The following RAB31 variants were observed in gnomAD, a reference collection of about 807,000 sequenced individuals.
RAB31 encodes ras-related protein Rab-31.
In RAB31, 21 loss-of-function variants were observed where a neutral mutation model predicts 25.6. The ratio of observed to expected loss-of-function variants is 0.82; its 90% confidence interval spans 0.58 to 1.18. The LOEUF (loss-of-function observed/expected upper bound fraction) is 1.18. Among genes scored for constraint, RAB31 ranks in the 50% most tolerant of loss-of-function variants. RAB31 has a pLI of 0.00. For synonymous variants in RAB31, 87 were observed against 84.0 expected (o/e 1.04, Z -0.20); for missense variants, 196 against 250.1 (o/e 0.78, Z 1.46).
chr18:9,789,168 G>C (rs1007000248), intron 2 of RAB31, among the ~76,000 whole-genome samples: 1 of 151,970 alleles, frequency 6.6e-6, no homozygotes, highest in African/African-American at 2.4e-5. Context: ...TCATATGCAA[G>C]AGCTGAAAAA....
Position 9,859,579 on chromosome 18 carries a change from G to T in RAB31, c.*254G>T. The stretch of plus-strand genomic sequence containing the variant: ...AAATGCACATGGAGGGGATGTAGTT[G>T]CATTTTTGCTAAAAAAAAAAAAAAA... On this transcript the variant is annotated 3_prime_UTR_variant, in exon 7 of 7. Transcript: ENST00000578921. 3.4e-6 allele frequency: 1 copy of T among 298,430 alleles called. No individual in the cohort carries two copies. The highest frequency in any genetic ancestry group is 5.9e-6 in the Non-Finnish European group (1 of 170,202). The allele number at this position is 298,430 out of a possible 1,614,324, so 18.5% of individuals were successfully genotyped here.
chr18:9,831,158 A>G (rs2068676385), intron 5 of RAB31, among the ~76,000 whole-genome samples: 1 of 152,240 alleles, frequency 6.6e-6, no homozygotes, highest in African/African-American at 2.4e-5. Context: ...GGGCCCCAGA[A>G]AAGATTTCAT....
chr18:9,708,458 G>T lies in RAB31; in HGVS notation c.39+14G>T, dbSNP rs779637949. 1.9e-6 allele frequency: 3 copies of T among 1,553,156 alleles called. No individual in the cohort carries two copies. The East Asian group carries it at 7.8e-5, about 40-fold the overall frequency. On this transcript the variant is annotated intron_variant, in intron 1 of 6. Transcript: ENST00000578921. This position sits in a 1 kb window ranked among gnomAD's most constrained non-coding sequence, Gnocchi z 6.4. ...TGCCTTCTCGGGGTGAGTCCTGGCC[G>T]CCACCCGCCGGCGGACCCCGGCCCG...
chr18:9,838,901 C>A (rs902102909), intron 5 of RAB31, among the ~76,000 whole-genome samples: 5 of 152,210 alleles, frequency 3.3e-5, no homozygotes, highest in Non-Finnish European at 7.3e-5. Context: ...ACTCTCAGCA[C>A]TCACCACACT....
At chr18:9,776,397 G>T (rs2145491421) in intron 2 of RAB31, among the ~76,000 whole-genome samples, 2 of 152,300 alleles carry the variant, frequency 1.3e-5, no homozygotes, top group East Asian at 3.9e-4. Context: ...GAGTGTATCA[G>T]AAGTGGAGAA....
At chr18:9,799,403 T>G (rs1027366325) in intron 3 of RAB31, among the ~76,000 whole-genome samples, 2 of 152,276 alleles carry the variant, frequency 1.3e-5, no homozygotes, top group Admixed American at 1.3e-4. Context: ...GGTACAAATT[T>G]GTACTCTTGG....
In RAB31 at chr18:9,860,508, G is replaced by C. The variant is rs2068841532; in HGVS notation, c.*1183G>C. On this transcript the variant is annotated 3_prime_UTR_variant, in exon 7 of 7. Transcript: ENST00000578921. The stretch of plus-strand genomic sequence containing the variant: ...CCTGTCTGCTCAATTAAAGATGTTT[G>C]AATCCAAAGGAAGTCAAGGAAGAAA... 6.6e-6 allele frequency: 1 copy of C among 152,150 alleles called. No individual in the cohort carries two copies. The highest frequency in any genetic ancestry group is 2.1e-4 in the South Asian group (1 of 4,822). 9.4% of individuals were successfully genotyped at this position (152,150 alleles called of 1,614,324 possible).
intron 1 of RAB31, among the ~76,000 whole-genome samples, chr18:9,709,389 C>T (rs2068004626): frequency 6.6e-6 from 1 of 152,074 alleles, no homozygotes; most frequent in South Asian, 2.1e-4. Flanking sequence ...ATCTGGTGTA[C>T]CCGCCCGTGT....
chr18:9,727,156 G>A (rs1361824666), intron 1 of RAB31, among the ~76,000 whole-genome samples: 1 of 152,172 alleles, frequency 6.6e-6, no homozygotes, highest in Non-Finnish European at 1.5e-5. Context: ...GTAGGCTGTG[G>A]CCCTTTGGCT....
At position 9,766,330 on chromosome 18, in the gene RAB31, G is replaced by A. The variant is rs575116047; in HGVS notation, c.40-8948G>A. On this transcript the variant is annotated intron_variant, in intron 1 of 6. Transcript: ENST00000578921. The surrounding 1 kb of genome is among the most constrained non-coding windows in gnomAD (Gnocchi z 4.3). ...GCATCTGCGAGCTCCATCTGCCCCC[G>A]GAGTGGGTGAGCCAGGCAAGCGTGG... Among the ~76,000 whole-genome samples the A allele has an allele frequency of 4.7e-4, 72 of 152,318 alleles. No individual in the cohort carries two copies. Among genetic ancestry groups the A allele is most frequent in the African/African-American group, 1.7e-3 (72 of 41,574 alleles).
chr18:9,807,667 T>C (rs1387418790), intron 3 of RAB31, among the ~76,000 whole-genome samples: 5 of 152,164 alleles, frequency 3.3e-5, no homozygotes, highest in Non-Finnish European at 7.4e-5. Context: ...GTTCATTACA[T>C]TGTCTTTTAA....
chr18:9,835,918 G>T (rs1444740085), intron 5 of RAB31, among the ~76,000 whole-genome samples: 2 of 152,070 alleles, frequency 1.3e-5, no homozygotes, highest in African/African-American at 2.4e-5. Context: ...AACAAACTCT[G>T]ATTATTCATT....
intron 3 of RAB31, among the ~76,000 whole-genome samples, chr18:9,810,955 T>C (rs1033775378): frequency 1.3e-5 from 2 of 152,194 alleles, no homozygotes; most frequent in Admixed American, 6.5e-5. Context: ...AAAAAATTAT[T>C]GCTTTTTCCT....
At chr18:9,741,746 G>C (rs964998971) in intron 1 of RAB31, among the ~76,000 whole-genome samples, 2 of 152,226 alleles carry the variant, frequency 1.3e-5, no homozygotes, top group Non-Finnish European at 2.9e-5. Flanking sequence ...AGCCCCCTCA[G>C]GGGCCGTTGA....
chr18:9,718,741 T>G (rs779858257), intron 1 of RAB31, among the ~76,000 whole-genome samples: 10 of 152,124 alleles, frequency 6.6e-5, no homozygotes, highest in Non-Finnish European at 1.2e-4. Flanking sequence ...ACGGGCAGGT[T>G]CTGGTGAGGG....
At chr18:9,762,186 T>C (rs2068292588) in intron 1 of RAB31, among the ~76,000 whole-genome samples, 1 of 152,202 alleles carries the variant, frequency 6.6e-6, no homozygotes, top group African/African-American at 2.4e-5. Flanking sequence ...GAGCAAGTCA[T>C]TGGGTCCAGT....
chr18:9,737,349 T>C (rs1464480195), intron 1 of RAB31, among the ~76,000 whole-genome samples: 1 of 152,174 alleles, frequency 6.6e-6, no homozygotes, highest in Non-Finnish European at 1.5e-5. Context: ...TGTTTCCTTA[T>C]GTAACATACA....
At chr18:9,749,573 G>A (rs1006329331) in intron 1 of RAB31, among the ~76,000 whole-genome samples, 18 of 152,106 alleles carry the variant, frequency 1.2e-4, no homozygotes, top group Admixed American at 4.6e-4. Flanking sequence ...TGTGCCCTAC[G>A]TTTCACATTT....
At chr18:9,744,397 ATATATACT>A (rs2068195330) in intron 1 of RAB31, among the ~76,000 whole-genome samples, 1 of 152,240 alleles carries the variant, frequency 6.6e-6, no homozygotes. Context: ...CCTTTACTCC[ATATATACT>A]TATGCTTCTC....
Sources: gnomAD v4.1 joint callset for allele counts (sites outside exome capture counted in the v4.1 genomes callset) on GRCh38, gnomAD v4.1.1 for gene constraint, Gnocchi (gnomAD v3.1) non-coding constraint, MANE v1.5 for transcripts, NCBI Gene and HGNC (gene_info 2026-07-23, HGNC 2026-07-21) for gene names.